TTC12: variants seen among roughly 807,000 people sequenced by gnomAD.
TTC12 encodes tetratricopeptide repeat protein 12.
TTC12 carries 70 observed loss-of-function variants against 90.1 expected under a neutral mutation model. That is an observed-to-expected ratio of 0.78 (90% CI 0.64 to 0.95). TTC12 has a LOEUF of 0.95. TTC12 is among the 40% of genes least tolerant of loss of function. The pLI, the probability that TTC12 is intolerant of heterozygous loss-of-function variation, is 0.00. For missense variants in TTC12, 819 were observed against 846.1 expected (o/e 0.97, Z 0.40); for synonymous variants, 296 against 311.5 (o/e 0.95, Z 0.53).
intron 5 of TTC12, 30 bp from the exon 6 acceptor site, chr11:113,325,494 A>G (rs1333243424): frequency 6.2e-7 from 1 of 1,612,384 alleles, no homozygotes; most frequent in East Asian, 2.2e-5. Flanking sequence ...GTGTGGTGAG[A>G]GCTCACCTGT....
At chr11:113,323,488 C>A in intron 3 of TTC12, 37 bp downstream of exon 3, 1 of 1,448,748 alleles carries the variant, frequency 6.9e-7, no homozygotes, top group Non-Finnish European at 9.2e-7. Context: ...TAAGTACTTA[C>A]AGTGAGAAGA....
At chr11:113,369,461 A>C, downstream of TTC12, among the ~76,000 whole-genome samples, 1 of 122,430 alleles carries the variant, frequency 8.2e-6, no homozygotes, top group Non-Finnish European at 1.6e-5. Context: ...TGCACTAGGC[A>C]CCCTATCAAA....
In TTC12 at chr11:113,339,399, A is replaced by G. The variant is rs1948558895; in HGVS notation, c.751A>G (p.Thr251Ala). Residue 251 changes from threonine (T) to alanine (A), a missense_variant, in exon 10 of 22, where the codon ACC becomes GCC. Physicochemically the swap from Thr to Ala is moderately conservative, Grantham distance 58. Coordinates refer to ENST00000529221, the MANE Select transcript of TTC12 (RefSeq NM_017868.4). ...CGTGACCACCAAGAACCTCCTGGAG[A>G]CCCTTTCCAAGCCTGACCAGATCCC... Reference protein sequence around the residue: ...TAVTTKNLLETLSKPDQIPLF... With the variant: ...TAVTTKNLLEALSKPDQIPLF... 1 of 1,613,734 alleles carries G rather than the reference A, an allele frequency of 6.2e-7. No homozygotes were observed. The highest frequency in any genetic ancestry group is 2.2e-5 in the East Asian group (1 of 44,826).
intron 18 of TTC12, 106 bp from the exon 19 acceptor site, chr11:113,362,295 T>TC: frequency 1.3e-6 from 1 of 744,244 alleles, no homozygotes. Flanking sequence ...ATATTTTGCT[T>TC]CCAATATAAT....
chr11:113,337,209 G>A (rs1448252841), intron 8 of TTC12, among the ~76,000 whole-genome samples: 1 of 152,118 alleles, frequency 6.6e-6, no homozygotes, highest in Non-Finnish European at 1.5e-5. Flanking sequence ...TGCTTTCTAT[G>A]TGTCAGACAC....
chr11:113,348,899 C>T (rs577309727), intron 13 of TTC12, among the ~76,000 whole-genome samples: 1 of 152,352 alleles, frequency 6.6e-6, no homozygotes, highest in East Asian at 1.9e-4. Flanking sequence ...ACATCCTAAG[C>T]ATTAACTGCA....
chr11:113,319,548 A>T (rs1947162806), intron 2 of TTC12, among the ~76,000 whole-genome samples: 1 of 152,222 alleles, frequency 6.6e-6, no homozygotes, highest in South Asian at 2.1e-4. Flanking sequence ...GTCAATTTTT[A>T]AAATATTCTA....
At chr11:113,338,624 C>A in intron 8 of TTC12, 150 bp from the exon 9 acceptor site, 1 of 527,444 alleles carries the variant, frequency 1.9e-6, no homozygotes, top group Non-Finnish European at 3.4e-6. Flanking sequence ...ATGTCAAATG[C>A]ACATTGTGTT....
chr11:113,320,552 C>T (rs1245647855), intron 2 of TTC12, among the ~76,000 whole-genome samples: 4 of 152,182 alleles, frequency 2.6e-5, no homozygotes, highest in African/African-American at 9.7e-5. Flanking sequence ...AAGCCACCTC[C>T]ACCACTCAGT....
At chr11:113,337,184 C>T (rs151106496) in intron 8 of TTC12, among the ~76,000 whole-genome samples, 12 of 152,278 alleles carry the variant, frequency 7.9e-5, no homozygotes, top group Non-Finnish European at 1.3e-4. Flanking sequence ...ATTCATTCAG[C>T]AGATATTTAT....
chr11:113,341,691 T>C, intron 11 of TTC12, 146 bp from the exon 12 acceptor site: 1 of 670,026 alleles, frequency 1.5e-6, no homozygotes, highest in Non-Finnish European at 2.7e-6. Context: ...CCGTGATTGA[T>C]CCTGGTGACC....
chr11:113,329,778 C>G (rs1365883447), intron 6 of TTC12, 142 bp from the exon 7 acceptor site: 6 of 745,876 alleles, frequency 8.0e-6, no homozygotes, highest in Non-Finnish European at 1.5e-5. Context: ...AGTGTGCCAT[C>G]TGTTTCCTGG....
intron 13 of TTC12, among the ~76,000 whole-genome samples, chr11:113,344,829 ACGTGT>A (rs1235695361): frequency 2.6e-5 from 4 of 152,214 alleles, no homozygotes; most frequent in Admixed American, 1.3e-4. Context: ...GTCTTATTCT[ACGTGT>A]CCTTAAACCC....
At chr11:113,345,485 G>A (rs569806963) in intron 13 of TTC12, among the ~76,000 whole-genome samples, 9 of 152,284 alleles carry the variant, frequency 5.9e-5, no homozygotes, top group African/African-American at 2.2e-4. Flanking sequence ...TGCTACAACT[G>A]GCTCCTGTTC....
intron 2 of TTC12, among the ~76,000 whole-genome samples, chr11:113,318,778 G>A (rs1436615173): frequency 6.6e-6 from 1 of 152,138 alleles, no homozygotes; most frequent in Non-Finnish European, 1.5e-5. Flanking sequence ...AAGAAAGAGT[G>A]TGGTGCTTTT....
At chr11:113,345,190 TA>T (rs1948880227) in intron 13 of TTC12, among the ~76,000 whole-genome samples, 1 of 152,246 alleles carries the variant, frequency 6.6e-6, no homozygotes. Context: ...TGGTTCAATC[TA>T]ACAGAAATAG....
intron 15 of TTC12, 126 bp downstream of exon 15, chr11:113,351,425 C>A: frequency 1.2e-6 from 1 of 800,012 alleles, no homozygotes; most frequent in Non-Finnish European, 2.1e-6. Flanking sequence ...TTATTCACAG[C>A]TGGAATTTAC....
chr11:113,350,516 A>C (rs1003522777), intron 14 of TTC12, among the ~76,000 whole-genome samples: 2 of 152,130 alleles, frequency 1.3e-5, no homozygotes, highest in Non-Finnish European at 2.9e-5. Context: ...AATGAACCTG[A>C]GCGAGCCAGC....
downstream of TTC12, among the ~76,000 whole-genome samples, chr11:113,367,266 C>T (rs139404531): frequency 5.3e-4 from 80 of 152,280 alleles, no homozygotes; most frequent in East Asian, 0.014. Context: ...GACTTTTGGT[C>T]GTACCCTGCT....
Sources: allele counts gnomAD v4.1 joint callset (sites outside exome capture counted in the v4.1 genomes callset), GRCh38; gene constraint gnomAD v4.1.1; transcripts MANE v1.5; gene names NCBI Gene and HGNC (gene_info 2026-07-23, HGNC 2026-07-21).